Variants in RCSD1 observed in about 807,000 individuals in gnomAD.
RCSD1 encodes capZ-interacting protein.
Under a neutral mutation model 42.5 loss-of-function variants are expected in RCSD1, and 26 were observed. The ratio of observed to expected loss-of-function variants is 0.61; its 90% confidence interval spans 0.45 to 0.85. The LOEUF (loss-of-function observed/expected upper bound fraction) is 0.85, where lower values mean the gene tolerates loss of function less well. Ranked by LOEUF, RCSD1 falls within the 40% of genes least tolerant of loss-of-function variation. RCSD1 has a pLI of 0.00. For synonymous variants in RCSD1, 220 were observed against 212.2 expected (o/e 1.04, Z -0.32); for missense variants, 571 against 528.3 (o/e 1.08, Z -0.79).
intron 1 of RCSD1, among the ~76,000 whole-genome samples, chr1:167,662,694 G>A (rs1658566410): frequency 6.6e-6 from 1 of 152,190 alleles, no homozygotes; most frequent in African/African-American, 2.4e-5. Context: ...TTTAAGAAAG[G>A]CAGGGAGTTC....
At chr1:167,645,781 G>C (rs1333230428) in intron 1 of RCSD1, among the ~76,000 whole-genome samples, 3 of 152,206 alleles carry the variant, frequency 2.0e-5, no homozygotes, top group Non-Finnish European at 4.4e-5. Flanking sequence ...GTGCACAGCA[G>C]ATGGGGAGAG....
chr1:167,684,024 A>T, intron 2 of RCSD1, 23 bp downstream of exon 2: 39 of 1,574,626 alleles, frequency 2.5e-5, no homozygotes, highest in Non-Finnish European at 3.3e-5. Context: ...GCTTCAGAGC[A>T]GCCTCTTCAG....
At chr1:167,700,313 G>C (rs1456065007) in intron 6 of RCSD1, among the ~76,000 whole-genome samples, 1 of 152,092 alleles carries the variant, frequency 6.6e-6, no homozygotes, top group Non-Finnish European at 1.5e-5. Context: ...GAGACCCCTG[G>C]GTTAAGTTGT....
chr1:167,635,692 C>G (rs1657826951), intron 1 of RCSD1, among the ~76,000 whole-genome samples: 1 of 152,166 alleles, frequency 6.6e-6, no homozygotes, highest in Non-Finnish European at 1.5e-5. Context: ...GTCTGTGGAG[C>G]CAGCCTGACC....
intron 1 of RCSD1, among the ~76,000 whole-genome samples, chr1:167,631,451 C>T (rs1420388789): frequency 6.6e-6 from 1 of 152,202 alleles, no homozygotes; most frequent in Non-Finnish European, 1.5e-5. Flanking sequence ...TATCTCTTCC[C>T]CGCTCCAGGC....
At chr1:167,658,576 C>G (rs1470086740) in intron 1 of RCSD1, among the ~76,000 whole-genome samples, 1 of 152,108 alleles carries the variant, frequency 6.6e-6, no homozygotes, top group Non-Finnish European at 1.5e-5. Flanking sequence ...CAGGCACGTG[C>G]CACCACGCCT....
At chr1:167,656,670 G>A (rs996438301) in intron 1 of RCSD1, among the ~76,000 whole-genome samples, 6 of 152,182 alleles carry the variant, frequency 3.9e-5, no homozygotes, top group African/African-American at 7.2e-5. Flanking sequence ...GACAGGACAG[G>A]ACGCCTTCCA....
intron 1 of RCSD1, among the ~76,000 whole-genome samples, chr1:167,634,681 T>C (rs1384535608): frequency 1.3e-5 from 2 of 152,218 alleles, no homozygotes; most frequent in African/African-American, 2.4e-5. Flanking sequence ...CTAAATCCTT[T>C]GTTTGTTCAA....
At position 167,707,324 on chromosome 1, in the gene RCSD1, C is replaced by T. The variant is rs1204705830; in HGVS notation, c.*2628C>T. 6.6e-6 allele frequency among the ~76,000 whole-genome samples: 1 copy of T among 152,206 alleles called. No homozygotes were observed. The highest frequency in any genetic ancestry group is 1.5e-5 in the Non-Finnish European group (1 of 68,040). ...AGAAATAAATGCGTGAAAAGGCAAC[C>T]AGTTCATCATCTTATGATTAGGTTT... is the stretch of plus-strand genomic sequence containing the variant. On this transcript the variant is annotated 3_prime_UTR_variant, in exon 7 of 7. Coordinates refer to ENST00000367854, the MANE Select transcript of RCSD1 (RefSeq NM_052862.4).
At chr1:167,695,615 C>T (rs1468999351) in intron 5 of RCSD1, among the ~76,000 whole-genome samples, 1 of 149,530 alleles carries the variant, frequency 6.7e-6, no homozygotes, top group African/African-American at 2.5e-5. Flanking sequence ...ATTGGCTCAT[C>T]GCAACCCCCA....
At chr1:167,667,317 T>C (rs966241954) in intron 1 of RCSD1, among the ~76,000 whole-genome samples, 12 of 152,238 alleles carry the variant, frequency 7.9e-5, no homozygotes, top group Non-Finnish European at 1.5e-4. Context: ...AGGCAGATAC[T>C]GAGACCGGAC....
rs1337742988 is a variant in RCSD1 at position 167,707,363 on chromosome 1, T to A, written c.*2667T>A. Among the ~76,000 whole-genome samples the A allele has an allele frequency of 6.6e-6, 1 of 152,252 alleles. No homozygotes were observed. Among genetic ancestry groups the A allele is most frequent in the Non-Finnish European group, 1.5e-5 (1 of 68,040 alleles). On this transcript the variant is annotated 3_prime_UTR_variant, in exon 7 of 7. Coordinates refer to ENST00000367854, the MANE Select transcript of RCSD1 (RefSeq NM_052862.4). ...ATGATTAGGTTTTCTTGATTAGGGA[T>A]GTGTTTAGTACAGCTGAATGAACAA...
Position 167,704,747 on chromosome 1 carries a change from C to A in RCSD1, c.*51C>A. On this transcript the variant is annotated 3_prime_UTR_variant, in exon 7 of 7. Transcript: ENST00000367854. ...TGAAGTTGCTGGACACATCTCTTTGCAGGTAGCAGCAACAGTTGTAGCAGC... is the reference window on the plus strand; with the variant it reads ...TGAAGTTGCTGGACACATCTCTTTGAAGGTAGCAGCAACAGTTGTAGCAGC... 1.9e-6 allele frequency: 3 copies of A among 1,560,326 alleles called. No individual in the cohort carries two copies. Among genetic ancestry groups the A allele is most frequent in the Non-Finnish European group, 1.8e-6 (2 of 1,133,480 alleles).
intron 1 of RCSD1, among the ~76,000 whole-genome samples, chr1:167,671,494 A>T (rs1658805914): frequency 6.6e-6 from 1 of 151,618 alleles, no homozygotes; most frequent in African/African-American, 2.4e-5. Flanking sequence ...CTCCACACTC[A>T]CTCTTCCCAA....
chr1:167,651,104 G>A (rs1342883822), intron 1 of RCSD1, among the ~76,000 whole-genome samples: 1 of 152,076 alleles, frequency 6.6e-6, no homozygotes, highest in Non-Finnish European at 1.5e-5. Flanking sequence ...TGGGACCAAG[G>A]GCCATCGTAA....
Position 167,707,493 on chromosome 1 carries a change from GA to G in RCSD1, c.*2804del, listed in dbSNP as rs149340244. On this transcript the variant is annotated 3_prime_UTR_variant, in exon 7 of 7. Coordinates refer to ENST00000367854, the MANE Select transcript of RCSD1 (RefSeq NM_052862.4). ...CCCCCTTTTTCAGCCTCATAGAACT[GA>G]AAAAAACAAACCTAAATACAGTCAC... is the stretch of plus-strand genomic sequence containing the variant. 6.6e-6 allele frequency among the ~76,000 whole-genome samples: 1 copy of G among 151,606 alleles called. No individual in the cohort carries two copies. Among genetic ancestry groups the G allele is most frequent in the Admixed American group, 6.6e-5 (1 of 15,230 alleles).
intron 1 of RCSD1, among the ~76,000 whole-genome samples, chr1:167,669,500 G>A (rs1326435266): frequency 2.0e-5 from 3 of 152,146 alleles, no homozygotes; most frequent in Non-Finnish European, 4.4e-5. Context: ...GGCCTCTTTT[G>A]GTCTCCAGCA....
At chr1:167,663,768 T>C (rs923683050) in intron 1 of RCSD1, 4 of 152,160 alleles carry the variant, frequency 2.6e-5, no homozygotes, top group Admixed American at 6.5e-5. Context: ...CTACGAAGAG[T>C]GCAAGGGAGC....
intron 3 of RCSD1, among the ~76,000 whole-genome samples, chr1:167,686,374 A>G (rs1201753611): frequency 1.3e-5 from 2 of 152,180 alleles, no homozygotes; most frequent in African/African-American, 4.8e-5. Context: ...TAGGTGCCCT[A>G]TGTGAACTTG....
Sources: allele counts gnomAD v4.1 joint callset (sites outside exome capture counted in the v4.1 genomes callset), GRCh38; gene constraint gnomAD v4.1.1; transcripts MANE v1.5; gene names NCBI Gene and HGNC (gene_info 2026-07-23, HGNC 2026-07-21).